The following MLLT3 variants were observed in gnomAD, a reference collection of about 807,000 sequenced individuals.
MLLT3 encodes MLLT3 super elongation complex subunit.
A neutral mutation model predicts 53.2 loss-of-function variants in MLLT3; 4 were observed. That is an observed-to-expected ratio of 0.08 (90% CI 0.04 to 0.17). MLLT3 has a LOEUF of 0.17. Among genes scored for constraint, MLLT3 ranks in the 10% least tolerant of loss-of-function variants. The pLI, the probability that MLLT3 is intolerant of heterozygous loss-of-function variation, is 1.00. For missense variants in MLLT3, 569 were observed against 684.0 expected, an observed-to-expected ratio of 0.83 and a Z score of 1.87; for synonymous variants, 283 against 230.6, an observed-to-expected ratio of 1.23 and a Z score of -2.06.
chr9:20,417,667 C>T (rs1234119739), intron 4 of MLLT3, among the ~76,000 whole-genome samples: 1 of 152,046 alleles, frequency 6.6e-6, no homozygotes, highest in Non-Finnish European at 1.5e-5. Context: ...CATATATTTG[C>T]ACTAACTTTA....
chr9:20,596,961 T>C (rs1820287528), intron 2 of MLLT3, among the ~76,000 whole-genome samples: 2 of 152,240 alleles, frequency 1.3e-5, no homozygotes, highest in Non-Finnish European at 2.9e-5. Context: ...GTCCTCTATT[T>C]CTTTCAACAA....
chr9:20,501,386 A>C (rs1825221542), intron 2 of MLLT3, among the ~76,000 whole-genome samples: 1 of 152,138 alleles, frequency 6.6e-6, no homozygotes, highest in Non-Finnish European at 1.5e-5. Flanking sequence ...TATGAAGACA[A>C]ATTTACCAAC....
At chr9:20,484,754 G>T (rs892456764) in intron 2 of MLLT3, among the ~76,000 whole-genome samples, 1 of 152,090 alleles carries the variant, frequency 6.6e-6, no homozygotes, top group African/African-American at 2.4e-5. Flanking sequence ...CAGTACCAGT[G>T]CCTAATATGG....
At chr9:20,406,193 A>G (rs1434878714) in intron 5 of MLLT3, among the ~76,000 whole-genome samples, 1 of 152,072 alleles carries the variant, frequency 6.6e-6, no homozygotes, top group Non-Finnish European at 1.5e-5. Context: ...GAGGATCACT[A>G]GAGCCCAGGA....
At chr9:20,352,709 T>C (rs1413338859) in intron 10 of MLLT3, among the ~76,000 whole-genome samples, 2 of 141,744 alleles carry the variant, frequency 1.4e-5, no homozygotes, top group African/African-American at 5.4e-5. Flanking sequence ...CCATTAAATG[T>C]TAAAAAAAAA....
chr9:20,576,165 C>T (rs1453377923), intron 2 of MLLT3, among the ~76,000 whole-genome samples: 5 of 152,190 alleles, frequency 3.3e-5, no homozygotes, highest in African/African-American at 1.2e-4. Context: ...AACTATTCTT[C>T]TGCAGTTGCC....
At chr9:20,348,395 G>A (rs1820930809) in intron 10 of MLLT3, among the ~76,000 whole-genome samples, 1 of 152,212 alleles carries the variant, frequency 6.6e-6, no homozygotes, top group Non-Finnish European at 1.5e-5. Context: ...CAATGGGTAT[G>A]CATCTTTTGC....
At chr9:20,450,444 T>G (rs1373472972) in intron 3 of MLLT3, among the ~76,000 whole-genome samples, 1 of 152,184 alleles carries the variant, frequency 6.6e-6, no homozygotes, top group Non-Finnish European at 1.5e-5. Flanking sequence ...AAATCCCACT[T>G]CCTTGGAATA....
rs10601830 is a variant in MLLT3 at position 20,615,360 on chromosome 9, G to GAAAAAAAAAAAAAAAAAA, written c.193+5276_193+5293dup. On this transcript the variant is annotated intron_variant, in intron 2 of 10. Coordinates refer to ENST00000380338, the MANE Select transcript of MLLT3 (RefSeq NM_004529.4). ...CCTGGGTGACAGGGCCAGACCATGTGAAAAAAAAAAAAAAAAAAAAAAAAA... is the reference window on the plus strand; with the variant it reads ...CCTGGGTGACAGGGCCAGACCATGTGAAAAAAAAAAAAAAAAAAAAAAAAAAAAAAAAAAAAAAAAAAA... 1.0e-4 allele frequency among the ~76,000 whole-genome samples: 5 copies of GAAAAAAAAAAAAAAAAAA among 48,774 alleles called. 1 individual carries two copies. The highest frequency in any genetic ancestry group is 1.4e-4 in the African/African-American group (2 of 14,216). The allele number at this position is 48,774 out of a possible 152,430, so 32.0% of individuals were successfully genotyped here.
intron 2 of MLLT3, among the ~76,000 whole-genome samples, chr9:20,574,387 T>C (rs1819604864): frequency 6.6e-6 from 1 of 152,218 alleles, no homozygotes; most frequent in African/African-American, 2.4e-5. Context: ...TGGTGTAAAG[T>C]ACAATCATAC....
chr9:20,509,269 G>A (rs561407776), intron 2 of MLLT3, among the ~76,000 whole-genome samples: 12 of 152,276 alleles, frequency 7.9e-5, no homozygotes, highest in Admixed American at 6.5e-4. Flanking sequence ...TTTTATGGTG[G>A]ATTCCTTTTT....
intron 2 of MLLT3, among the ~76,000 whole-genome samples, chr9:20,603,188 C>G (rs375989958): frequency 1.3e-5 from 2 of 152,036 alleles, no homozygotes; most frequent in African/African-American, 4.8e-5. Context: ...CAAGAAACCA[C>G]TTGGACATAT....
Position 20,600,934 on chromosome 9 carries a change from G to C in MLLT3, c.193+19720C>G, listed in dbSNP as rs577807608. On this transcript the variant is annotated intron_variant, in intron 2 of 10. Coordinates refer to ENST00000380338, the MANE Select transcript of MLLT3 (RefSeq NM_004529.4). Reference sequence around the variant, plus strand: ...TCAAAATTCAACGGCACCTTCAATGGTAAAATGGCTTTAAATTGTGACAAA... The same window carrying C: ...TCAAAATTCAACGGCACCTTCAATGCTAAAATGGCTTTAAATTGTGACAAA... 7.2e-5 allele frequency among the ~76,000 whole-genome samples: 11 copies of C among 152,260 alleles called. No homozygotes were observed. In the South Asian group the frequency reaches 2.1e-3, roughly 29 times the overall value.
chr9:20,437,581 A>G (rs955193604), intron 4 of MLLT3, among the ~76,000 whole-genome samples: 1 of 152,128 alleles, frequency 6.6e-6, no homozygotes, highest in African/African-American at 2.4e-5. Context: ...ACAGAAATCT[A>G]GGAAGAAAAA....
intron 5 of MLLT3, chr9:20,380,094 A>T (rs982782983): frequency 6.6e-5 from 10 of 152,108 alleles, no homozygotes; most frequent in African/African-American, 2.2e-4. Context: ...ACAGGCTGTT[A>T]TCCCAAAGAC....
At chr9:20,437,996 A>G (rs931773050) in intron 4 of MLLT3, among the ~76,000 whole-genome samples, 2 of 152,212 alleles carry the variant, frequency 1.3e-5, no homozygotes, top group Non-Finnish European at 2.9e-5. Context: ...CAGTCTTATC[A>G]AAAGTTTTTG....
intron 2 of MLLT3, among the ~76,000 whole-genome samples, chr9:20,539,412 G>A (rs1818567658): frequency 6.6e-6 from 1 of 152,154 alleles, no homozygotes; most frequent in Non-Finnish European, 1.5e-5. Context: ...ATAAATAAAA[G>A]AGGTTTAATT....
At chr9:20,612,215 C>T (rs1201448868) in intron 2 of MLLT3, among the ~76,000 whole-genome samples, 1 of 152,120 alleles carries the variant, frequency 6.6e-6, no homozygotes, top group Non-Finnish European at 1.5e-5. Context: ...TGTCTACATG[C>T]AAGATTGCTC....
intron 5 of MLLT3, among the ~76,000 whole-genome samples, chr9:20,370,179 A>G (rs1373745106): frequency 6.6e-6 from 1 of 152,132 alleles, no homozygotes; most frequent in East Asian, 1.9e-4. Context: ...TTTTCCAACA[A>G]TTTGTGTTCA....
Sources: gnomAD v4.1 joint callset for allele counts (sites outside exome capture counted in the v4.1 genomes callset) on GRCh38, gnomAD v4.1.1 for gene constraint, MANE v1.5 for transcripts, NCBI Gene and HGNC (gene_info 2026-07-23, HGNC 2026-07-21) for gene names.